Variants in IHO1 observed in about 807,000 individuals in gnomAD.
IHO1 encodes interactor of HORMAD1 1.
A neutral mutation model predicts 31.0 loss-of-function variants in IHO1; 13 were observed. That is an observed-to-expected ratio of 0.42 (90% CI 0.27 to 0.67). The LOEUF (loss-of-function observed/expected upper bound fraction) is 0.67. Ranked by LOEUF, IHO1 falls within the 30% of genes least tolerant of loss-of-function variation. The probability of loss-of-function intolerance (pLI) is 0.24; values close to 1 mark genes in which losing one functional copy is unlikely to be tolerated. For missense variants in IHO1, 599 were observed against 687.5 expected (o/e 0.87, Z 1.44); for synonymous variants, 221 against 248.4 (o/e 0.89, Z 1.04).
intron 4 of IHO1, 109 bp downstream of exon 4, chr3:49,241,498 A>G (rs2046630405): frequency 1.5e-5 from 15 of 1,001,468 alleles, no homozygotes; most frequent in Non-Finnish European, 2.0e-5. Context: ...CATGTATTAG[A>G]GTTCTCCAGA....
chr3:49,200,475 A>AAAGAAAGAAAGCAAGAAAGAAAGAAAG (rs367907809), intron 1 of IHO1: 2 of 103,858 alleles, frequency 1.9e-5, no homozygotes, highest in Non-Finnish European at 2.7e-5. Flanking sequence ...AAAAAAAAAA[A>AAAGAAAGAAAGCAAGAAAGAAAGAAAG]AAAGAAAGAA....
upstream of IHO1, among the ~76,000 whole-genome samples, chr3:49,196,009 G>T (rs1316240873): frequency 3.3e-5 from 5 of 151,140 alleles, no homozygotes; most frequent in Non-Finnish European, 3.0e-5. Flanking sequence ...GTCGAGGCGG[G>T]CGGATCACAA....
rs374550060 is a variant in IHO1, at chr3:49,257,313, T to C, written c.*31T>C. On this transcript the variant is annotated 3_prime_UTR_variant, in exon 8 of 8. Coordinates refer to ENST00000452691, the MANE Select transcript of IHO1 (RefSeq NM_001135197.2). ...CCACAGTTGATTTATTGGTCTCAGC[T>C]AGAAAGAGAAATTGCAGGACATTTG... 40 of 1,587,086 alleles carry C rather than the reference T, an allele frequency of 2.5e-5. No individual in the cohort carries two copies. Among genetic ancestry groups the C allele is most frequent in the Non-Finnish European group, 3.4e-5 (39 of 1,163,988 alleles).
chr3:49,227,606 C>T (rs747800554), intron 2 of IHO1, among the ~76,000 whole-genome samples: 9 of 152,252 alleles, frequency 5.9e-5, no homozygotes, highest in South Asian at 4.1e-4. Context: ...GATCACAAAG[C>T]GGACTGAGAA....
At chr3:49,227,164 C>T (rs572344485) in intron 2 of IHO1, among the ~76,000 whole-genome samples, 173 of 152,330 alleles carry the variant, frequency 1.1e-3, no homozygotes, top group Non-Finnish European at 2.1e-3. Context: ...CATTTGCCTT[C>T]ACTCTTACAG....
chr3:49,254,593 G>A (rs1380276930), intron 6 of IHO1, among the ~76,000 whole-genome samples: 1 of 151,990 alleles, frequency 6.6e-6, no homozygotes, highest in African/African-American at 2.4e-5. Flanking sequence ...GGAATGACAG[G>A]GACAGAAACA....
At chr3:49,214,604 G>T (rs1359645836) in intron 2 of IHO1, among the ~76,000 whole-genome samples, 3 of 51,952 alleles carry the variant, frequency 5.8e-5, no homozygotes, top group African/African-American at 2.0e-4. Context: ...TTTATTTCTA[G>T]ATCATATATA....
chr3:49,216,502 G>A (rs1176035982), intron 2 of IHO1, among the ~76,000 whole-genome samples: 2 of 152,128 alleles, frequency 1.3e-5, no homozygotes, highest in African/African-American at 2.4e-5. Flanking sequence ...GCTGAGGGAC[G>A]AGAATTGCTT....
intron 6 of IHO1, among the ~76,000 whole-genome samples, chr3:49,253,459 T>C (rs1015850594): frequency 6.6e-6 from 1 of 151,996 alleles, no homozygotes; most frequent in African/African-American, 2.4e-5. Flanking sequence ...AGAATTCAAG[T>C]CCACCAATCT....
At chr3:49,229,028 A>G (rs2107709831) in intron 2 of IHO1, among the ~76,000 whole-genome samples, 1 of 152,304 alleles carries the variant, frequency 6.6e-6, no homozygotes, top group East Asian at 1.9e-4. Context: ...AGCTAGACAC[A>G]GAGTGCTGAT....
intron 2 of IHO1, among the ~76,000 whole-genome samples, chr3:49,214,956 A>G (rs2046270326): frequency 6.7e-6 from 1 of 150,310 alleles, no homozygotes; most frequent in East Asian, 2.0e-4. Context: ...CATTAAGTCC[A>G]ATTCCTCTGT....
At chr3:49,213,746 G>T (rs570502528) in intron 2 of IHO1, among the ~76,000 whole-genome samples, 11 of 152,238 alleles carry the variant, frequency 7.2e-5, no homozygotes, top group Non-Finnish European at 1.5e-4. Flanking sequence ...TGCAGGGCCT[G>T]CCAAGCCCAT....
At chr3:49,193,997 C>T (rs1052960054), upstream of IHO1, among the ~76,000 whole-genome samples, 2 of 149,318 alleles carry the variant, frequency 1.3e-5, no homozygotes, top group African/African-American at 4.9e-5. Flanking sequence ...AGACTGGGTG[C>T]CGTGGCTCAC....
chr3:49,217,075 G>GT (rs2046296642), intron 2 of IHO1, among the ~76,000 whole-genome samples: 1 of 152,224 alleles, frequency 6.6e-6, no homozygotes, highest in South Asian at 2.1e-4. Flanking sequence ...GTGGAAGACA[G>GT]TGTGGCAATT....
At chr3:49,227,566 C>T (rs908674586) in intron 2 of IHO1, among the ~76,000 whole-genome samples, 6 of 152,062 alleles carry the variant, frequency 3.9e-5, no homozygotes, top group Non-Finnish European at 7.4e-5. Flanking sequence ...GACACATTCT[C>T]GAAAACCTGC....
chr3:49,251,854 G>A (rs759175905), intron 6 of IHO1, among the ~76,000 whole-genome samples: 10 of 151,998 alleles, frequency 6.6e-5, no homozygotes, highest in Non-Finnish European at 1.3e-4. Flanking sequence ...TGCCCGCGTC[G>A]GCCACCCGAA....
chr3:49,225,966 C>T (rs1370337378), intron 2 of IHO1, among the ~76,000 whole-genome samples: 1 of 152,060 alleles, frequency 6.6e-6, no homozygotes, highest in Admixed American at 6.6e-5. Context: ...GGGCTTGTGG[C>T]CCAGAGGACC....
At chr3:49,229,511 G>A (rs563099075) in intron 2 of IHO1, among the ~76,000 whole-genome samples, 25 of 152,312 alleles carry the variant, frequency 1.6e-4, no homozygotes, top group South Asian at 6.2e-4. Flanking sequence ...TGATTGTGCC[G>A]TATGTAGAAA....
chr3:49,193,865 G>A (rs2045980332), upstream of IHO1, among the ~76,000 whole-genome samples: 1 of 151,530 alleles, frequency 6.6e-6, no homozygotes, highest in Non-Finnish European at 1.5e-5. Flanking sequence ...AGGAGCCTGA[G>A]GCAGAAGAAT....
Sources: gnomAD v4.1 joint callset for allele counts (sites outside exome capture counted in the v4.1 genomes callset) on GRCh38, gnomAD v4.1.1 for gene constraint, MANE v1.5 for transcripts, NCBI Gene and HGNC (gene_info 2026-07-23, HGNC 2026-07-21) for gene names.